FKBP15: variants seen among roughly 807,000 people sequenced by gnomAD.
The protein encoded by FKBP15 is FK506-binding protein 15.
Under a neutral mutation model 158.1 loss-of-function variants are expected in FKBP15, and 106 were observed. The observed-to-expected ratio is 0.67, with a 90% CI of 0.57 to 0.79. FKBP15 has a LOEUF of 0.79. Among genes scored for constraint, FKBP15 ranks in the 30% least tolerant of loss-of-function variants. The probability of loss-of-function intolerance (pLI) is 0.00; values close to 1 mark genes in which losing one functional copy is unlikely to be tolerated. For missense variants in FKBP15, 1,287 were observed against 1,479.1 expected (o/e 0.87, Z 2.13); for synonymous variants, 547 against 548.6 (o/e 1.00, Z 0.04).
In FKBP15 at chr9:113,166,073, G is replaced by C. The variant is rs766765979; in HGVS notation, c.*5C>G. ...GAGAAACCTTTGCACCAGTTTCCTG[G>C]GTCTTCATCCCAGCCAGTCAATGTC... On this transcript the variant is annotated 3_prime_UTR_variant, in exon 28 of 28. Transcript: ENST00000238256. 6.2e-7 allele frequency: 1 copy of C among 1,612,780 alleles called. No individual in the cohort carries two copies. Among genetic ancestry groups the C allele is most frequent in the South Asian group, 1.1e-5 (1 of 90,668 alleles).
Position 113,202,579 on chromosome 9 carries a change from C to T in FKBP15, c.450G>A (p.Trp150Ter), listed in dbSNP as rs778256296. ...CCTTTTCCGACTCAAACATGATGGA[C>T]CAGTTCTGTCTCTGGTCATCATAAA... ...STFYDDQRQN[W>*]SIMFESEKAA... is the part of the protein sequence containing the mutation. Residue 150 changes from tryptophan to a stop codon, truncating the protein, a stop_gained, in exon 6 of 28, where the codon TGG (tryptophan) becomes TGA (stop). Coordinates refer to ENST00000238256, the MANE Select transcript of FKBP15 (RefSeq NM_015258.2). LOFTEE classifies it high-confidence loss of function. 6.3e-7 allele frequency: 1 copy of T among 1,584,288 alleles called. No individual in the cohort carries two copies. The highest frequency in any genetic ancestry group is 1.8e-5 in the Admixed American group (1 of 55,606).
intron 20 of FKBP15, among the ~76,000 whole-genome samples, chr9:113,178,073 T>C (rs1830329801): frequency 6.6e-6 from 1 of 152,118 alleles, no homozygotes; most frequent in Non-Finnish European, 1.5e-5. Flanking sequence ...AAGCGAATAT[T>C]GGTAATGGTG....
rs908139327 is a variant in FKBP15, at chr9:113,202,485, C to A, written c.498+46G>T. On this transcript the variant is annotated intron_variant, in intron 6 of 27. Transcript: ENST00000238256. ...TGTTTCCCTAAAATTAAGGGAAATC[C>A]AAACAAGTATTTTGGCTTTTCACAG... is the stretch of plus-strand genomic sequence containing the variant. 3.6e-6 allele frequency: 5 copies of A among 1,374,522 alleles called. No homozygotes were observed. In the African/African-American group the frequency reaches 5.8e-5, roughly 16 times the overall value. The allele number at this position is 1,374,522 out of a possible 1,614,324, so 85.1% of individuals were successfully genotyped here.
chr9:113,209,006 C>CAAAA (rs5900044), intron 2 of FKBP15, among the ~76,000 whole-genome samples: 4 of 98,732 alleles, frequency 4.1e-5, no homozygotes, highest in Admixed American at 1.2e-4. Flanking sequence ...GACTCCATCT[C>CAAAA]AAAAAAAAAA....
chr9:113,181,595 T>TTAA (rs1830397197), intron 19 of FKBP15, among the ~76,000 whole-genome samples: 1 of 152,188 alleles, frequency 6.6e-6, no homozygotes, highest in Non-Finnish European at 1.5e-5. Context: ...ATATCTAGTT[T>TTAA]TAATCAAGCA....
intron 2 of FKBP15, among the ~76,000 whole-genome samples, chr9:113,211,134 G>C (rs1830992695): frequency 6.6e-6 from 1 of 152,094 alleles, no homozygotes; most frequent in African/African-American, 2.4e-5. Flanking sequence ...TGTCCCTCTA[G>C]AGAACCCTAA....
At chr9:113,215,714 A>G (rs1449923341) in intron 1 of FKBP15, among the ~76,000 whole-genome samples, 4 of 138,356 alleles carry the variant, frequency 2.9e-5, no homozygotes, top group African/African-American at 1.1e-4. Context: ...CAGTGGCCCA[A>G]TCTCGGCTCA....
chr9:113,169,978 G>A, intron 25 of FKBP15, 36 bp from the exon 26 acceptor site: 1 of 1,501,186 alleles, frequency 6.7e-7, no homozygotes. Flanking sequence ...GTCACTGAAA[G>A]GAACACAGTA....
chr9:113,194,435 A>T (rs1222250208), intron 9 of FKBP15, among the ~76,000 whole-genome samples: 2 of 137,016 alleles, frequency 1.5e-5, no homozygotes, highest in Non-Finnish European at 3.2e-5. Context: ...ATAAATAAAT[A>T]AATAATAAAT....
At chr9:113,193,377 G>T (rs1437587916) in intron 11 of FKBP15, 115 bp downstream of exon 11, 2 of 646,696 alleles carry the variant, frequency 3.1e-6, no homozygotes, top group Non-Finnish European at 5.0e-6. Flanking sequence ...GTCTCACTAT[G>T]TTGCCTAGGC....
chr9:113,171,313 CT>C (rs1323289555), intron 24 of FKBP15, among the ~76,000 whole-genome samples: 1 of 152,150 alleles, frequency 6.6e-6, no homozygotes, highest in Non-Finnish European at 1.5e-5. Flanking sequence ...GTAGTCCCAG[CT>C]ACTCAGGCGG....
rs780032155 is a variant in FKBP15, at chr9:113,162,741, T to A, written c.*3337A>T. The stretch of plus-strand genomic sequence containing the variant: ...ACCAGGATTAACTTGCTTCTCCTTT[T>A]TATCTAGGTGGTATTTGTGTCACTT... On this transcript the variant is annotated 3_prime_UTR_variant, in exon 28 of 28. Coordinates refer to ENST00000238256, the MANE Select transcript of FKBP15 (RefSeq NM_015258.2). The A allele has an allele frequency of 8.1e-6, 13 of 1,607,650 alleles. No individual in the cohort carries two copies. The highest frequency in any genetic ancestry group is 1.1e-5 in the Non-Finnish European group (13 of 1,176,476).
Position 113,161,667 on chromosome 9 carries a change from G to GATTC in FKBP15, c.*4407_*4410dup. 6.2e-7 allele frequency: 1 copy of GATTC among 1,614,014 alleles called. No homozygotes were observed. The highest frequency in any genetic ancestry group is 8.5e-7 in the Non-Finnish European group (1 of 1,179,890). ...GACAGACGGGGACTCTGCAGGCTCA[G>GATTC]ATTCATTCCCTGTTGGCAGAACCCA... On this transcript the variant is annotated 3_prime_UTR_variant, in exon 28 of 28. Coordinates refer to ENST00000238256, the MANE Select transcript of FKBP15 (RefSeq NM_015258.2).
intron 20 of FKBP15, among the ~76,000 whole-genome samples, chr9:113,177,655 A>G (rs1564156444): frequency 6.6e-6 from 1 of 152,270 alleles, no homozygotes; most frequent in South Asian, 2.1e-4. Flanking sequence ...AATAAAAGGG[A>G]AGGGATGTAT....
rs1174135221 is a variant in FKBP15 at position 113,187,907 on chromosome 9, A to G, written c.1277-8T>C. The G allele has an allele frequency of 1.9e-6, 3 of 1,606,176 alleles. No homozygotes were observed. The highest frequency in any genetic ancestry group is 1.7e-5 in the Admixed American group (1 of 59,868). ...TAACAGATGGCTGAGGTGCTAAGAT[A>G]AAGGGAGACATTTTCACTGTTATCC... On this transcript the variant is annotated splice_region_variant and splice_polypyrimidine_tract_variant and intron_variant, in intron 13 of 27. Coordinates refer to ENST00000238256, the MANE Select transcript of FKBP15 (RefSeq NM_015258.2).
rs538971568 is a variant in FKBP15, at chr9:113,163,895, A to C, written c.*2183T>G. On this transcript the variant is annotated 3_prime_UTR_variant, in exon 28 of 28. Coordinates refer to ENST00000238256, the MANE Select transcript of FKBP15 (RefSeq NM_015258.2). ...TCTAGTGGGGAAACATGATTCATTCACTTAAAATACTGATTAAGCCATGGG... is the reference window on the plus strand; with the variant it reads ...TCTAGTGGGGAAACATGATTCATTCCCTTAAAATACTGATTAAGCCATGGG... The C allele has an allele frequency of 9.5e-6, 1 of 105,422 alleles. No homozygotes were observed. Among genetic ancestry groups the C allele is most frequent in the East Asian group, 3.0e-4 (1 of 3,380 alleles). The allele number at this position is 105,422 out of a possible 1,614,324, so 6.5% of individuals were successfully genotyped here.
chr9:113,183,431 C>T (rs1830434928), intron 18 of FKBP15, among the ~76,000 whole-genome samples: 1 of 151,986 alleles, frequency 6.6e-6, no homozygotes, highest in South Asian at 2.1e-4. Context: ...GAAGAGTTGA[C>T]ACCAGAGTTC....
Position 113,184,472 on chromosome 9 carries a change from C to T in FKBP15, c.1609-73G>A, listed in dbSNP as rs751890953. 7 of 1,287,610 alleles carry T rather than the reference C, an allele frequency of 5.4e-6. No homozygotes were observed. The highest frequency in any genetic ancestry group is 2.5e-5 in the East Asian group (1 of 39,804). The allele number at this position is 1,287,610 out of a possible 1,614,324, so 79.8% of individuals were successfully genotyped here. A position where few individuals can be genotyped will look rare whatever the true frequency, so the allele number is the denominator to read the frequency against. On this transcript the variant is annotated intron_variant, in intron 16 of 27. Transcript: ENST00000238256. This position sits in a 1 kb window ranked among gnomAD's most constrained non-coding sequence, Gnocchi z 4.5. ...GAAATACAATTTACCCAAGATTTGACCCTGTTGTTAAGGGGGTTAATGAGT... is the reference window on the plus strand; with the variant it reads ...GAAATACAATTTACCCAAGATTTGATCCTGTTGTTAAGGGGGTTAATGAGT...
intron 4 of FKBP15, among the ~76,000 whole-genome samples, chr9:113,205,067 A>G (rs1478843224): frequency 2.0e-5 from 3 of 152,180 alleles, no homozygotes; most frequent in Non-Finnish European, 4.4e-5. Flanking sequence ...ATGAGGGATA[A>G]AATCATAAAA....
Sources: allele counts gnomAD v4.1 joint callset (sites outside exome capture counted in the v4.1 genomes callset), GRCh38; gene constraint gnomAD v4.1.1; non-coding constraint Gnocchi (gnomAD v3.1); transcripts MANE v1.5; gene names NCBI Gene and HGNC (gene_info 2026-07-23, HGNC 2026-07-21).